Variants in AQR observed in about 807,000 individuals in gnomAD.
AQR encodes RNA helicase aquarius.
AQR carries 61 observed loss-of-function variants against 180.5 expected under a neutral mutation model. The ratio of observed to expected loss-of-function variants is 0.34; its 90% CI spans 0.28 to 0.42. The LOEUF is 0.42. Among genes scored for constraint, AQR ranks in the 10% least tolerant of loss-of-function variants. AQR has a pLI of 1.00. For synonymous variants in AQR, 551 were observed against 588.8 expected (o/e 0.94, Z 0.93); for missense variants, 1,281 against 1,798.3 (o/e 0.71, Z 5.20).
Position 34,910,138 on chromosome 15 carries a change from C to T in AQR, c.1660G>A (p.Glu554Lys), listed in dbSNP as rs1184288764. 1.4e-5 allele frequency: 23 copies of T among 1,613,994 alleles called. No homozygotes were observed. Among genetic ancestry groups the T allele is most frequent in the Non-Finnish European group, 1.6e-5 (19 of 1,179,868 alleles). Residue 554 changes from glutamate to lysine, a missense_variant, in exon 17 of 35, where the codon GAA becomes AAA. Glu to Lys is a moderately conservative substitution (Grantham distance 56, BLOSUM62 1). Transcript: ENST00000156471. Reference protein sequence around the residue: ...NVRDHIKDEWEGLRKHDVCFL... With the variant: ...NVRDHIKDEWKGLRKHDVCFL... ...ACTTTTTGAAATACAAACTTACCTT[C>T]CCATTCATCTTTGATGTGATCTCTG... is the stretch of plus-strand genomic sequence containing the variant.
chr15:34,888,076 T>C (rs1280182250), intron 24 of AQR, among the ~76,000 whole-genome samples: 1 of 150,668 alleles, frequency 6.6e-6, no homozygotes, highest in Admixed American at 6.6e-5. Flanking sequence ...GGCAGGCAGA[T>C]CACTTGAGGT....
chr15:34,921,334 T>C (rs773339413), intron 13 of AQR, among the ~76,000 whole-genome samples: 2 of 149,234 alleles, frequency 1.3e-5, no homozygotes, highest in Non-Finnish European at 3.0e-5. Context: ...CTCAGGAGGC[T>C]GAGGCAGGAG....
At chr15:34,889,436 T>C (rs1015560213) in intron 24 of AQR, among the ~76,000 whole-genome samples, 2 of 152,224 alleles carry the variant, frequency 1.3e-5, no homozygotes, top group Non-Finnish European at 2.9e-5. Flanking sequence ...CAGCTGTTAA[T>C]TGTGCTTATT....
intron 33 of AQR, among the ~76,000 whole-genome samples, chr15:34,860,871 C>CAGG (rs1239896068): frequency 1.3e-5 from 2 of 152,116 alleles, no homozygotes; most frequent in African/African-American, 2.4e-5. Flanking sequence ...GATTCAGATT[C>CAGG]AGAAGGTCTG....
intron 3 of AQR, among the ~76,000 whole-genome samples, chr15:34,959,320 G>A (rs2140507562): frequency 6.6e-6 from 1 of 152,212 alleles, no homozygotes; most frequent in South Asian, 2.1e-4. Context: ...ACGCCACCAT[G>A]TCCAGCTAAT....
chr15:34,865,611 T>C (rs1892729443), intron 32 of AQR, among the ~76,000 whole-genome samples: 1 of 152,222 alleles, frequency 6.6e-6, no homozygotes, highest in Non-Finnish European at 1.5e-5. Context: ...TGTATATGCA[T>C]ATTCATAGCA....
chr15:34,858,764 T>C (rs1400438050), intron 34 of AQR, among the ~76,000 whole-genome samples: 1 of 152,112 alleles, frequency 6.6e-6, no homozygotes, highest in Non-Finnish European at 1.5e-5. Context: ...TGGAACAGAA[T>C]AGAAAGCCCA....
intron 27 of AQR, among the ~76,000 whole-genome samples, chr15:34,882,244 A>G (rs538700391): frequency 1.3e-5 from 2 of 152,190 alleles, no homozygotes; most frequent in South Asian, 2.1e-4. Context: ...AGTGATACTC[A>G]GTAAAAATAA....
intron 15 of AQR, among the ~76,000 whole-genome samples, chr15:34,917,702 G>A (rs903483046): frequency 6.6e-6 from 1 of 151,968 alleles, no homozygotes; most frequent in Non-Finnish European, 1.5e-5. Flanking sequence ...CAGTCTTATG[G>A]TCAGCTGCAG....
chr15:34,890,129 T>G, intron 24 of AQR, 86 bp downstream of exon 24: 2 of 1,171,110 alleles, frequency 1.7e-6, no homozygotes, highest in Non-Finnish European at 2.4e-6. Flanking sequence ...GTTTCAGTAT[T>G]CATTGCTTTC....
chr15:34,900,514 C>T, intron 20 of AQR, 108 bp downstream of exon 20: 1 of 1,402,962 alleles, frequency 7.1e-7, no homozygotes, highest in Middle Eastern at 2.0e-4. Flanking sequence ...ACTGCTAAAA[C>T]AAAATCCAAA....
chr15:34,941,061 G>C (rs1351619802), intron 7 of AQR, 62 bp from the exon 8 acceptor site: 3 of 1,168,052 alleles, frequency 2.6e-6, no homozygotes, highest in Non-Finnish European at 3.7e-6. Context: ...ATAAGGATTA[G>C]ATCAACTATT....
At chr15:34,939,480 A>G (rs978845754) in intron 8 of AQR, among the ~76,000 whole-genome samples, 6 of 152,224 alleles carry the variant, frequency 3.9e-5, no homozygotes, top group African/African-American at 1.4e-4. Flanking sequence ...CTCACATTTA[A>G]TGTAGTTAAA....
chr15:34,890,594 C>T (rs564627649), intron 23 of AQR, among the ~76,000 whole-genome samples: 11 of 152,242 alleles, frequency 7.2e-5, no homozygotes, highest in African/African-American at 2.2e-4. Flanking sequence ...CTATTTCTTC[C>T]GAGTTGTAAC....
chr15:34,920,270 T>C, intron 14 of AQR, 62 bp downstream of exon 14: 5 of 1,228,744 alleles, frequency 4.1e-6, no homozygotes, highest in East Asian at 2.5e-5. Context: ...CCTACATCTT[T>C]AAGAATGACT....
At position 34,904,344 on chromosome 15, in the gene AQR, T is replaced by A; in HGVS notation, c.1993A>T (p.Asn665Tyr). 1 of 1,584,888 alleles carries A rather than the reference T, an allele frequency of 6.3e-7. No individual in the cohort carries two copies. The highest frequency in any genetic ancestry group is 8.6e-7 in the Non-Finnish European group (1 of 1,166,512). The change falls in exon 19 of 35, where the codon AAC becomes TAC. Residue 665 changes from asparagine (N) to tyrosine (Y), a missense_variant. Asn to Tyr is a moderately radical substitution (Grantham distance 143, BLOSUM62 -2). Transcript: ENST00000156471. ...IIMRRKPKEN[N>Y]FKAVLETIRN... ...ACATACCCCCAAATTACCTTAAAGT[T>A]ATTTTCCTTTGGTTTTCTCCTCATT...
chr15:34,930,768 G>A (rs991609940), intron 11 of AQR, among the ~76,000 whole-genome samples: 11 of 149,980 alleles, frequency 7.3e-5, no homozygotes, highest in Admixed American at 1.3e-4. Flanking sequence ...GAGGTCTCTC[G>A]CTATAGGTTT....
chr15:34,947,507 T>TAAAAAA (rs748885960), intron 5 of AQR, among the ~76,000 whole-genome samples: 3 of 135,012 alleles, frequency 2.2e-5, no homozygotes, highest in African/African-American at 8.3e-5. Flanking sequence ...GAATGATCAA[T>TAAAAAA]AAAAAAAATA....
intron 9 of AQR, among the ~76,000 whole-genome samples, chr15:34,934,935 A>C (rs1893923546): frequency 1.3e-5 from 2 of 152,172 alleles, no homozygotes. Context: ...TCTGTATTAA[A>C]TTAGATTTTG....
Sources: allele counts gnomAD v4.1 joint callset (sites outside exome capture counted in the v4.1 genomes callset), GRCh38; gene constraint gnomAD v4.1.1; transcripts MANE v1.5; gene names NCBI Gene and HGNC (gene_info 2026-07-23, HGNC 2026-07-21).